The following SSBP2 variants were observed in gnomAD, a reference collection of about 807,000 sequenced individuals.
SSBP2 encodes single-stranded DNA-binding protein 2.
SSBP2 carries 17 observed loss-of-function variants against 61.8 expected under a neutral mutation model. The ratio of observed to expected loss-of-function variants is 0.28; its 90% CI spans 0.19 to 0.41. SSBP2 has a LOEUF of 0.41. SSBP2 is among the 10% of genes least tolerant of loss of function. The pLI is 1.00. For missense variants in SSBP2, 310 were observed against 458.7 expected (o/e 0.68, Z 2.96); for synonymous variants, 139 against 141.3 (o/e 0.98, Z 0.12).
At chr5:81,629,830 T>TA (rs1353611145) in intron 3 of SSBP2, among the ~76,000 whole-genome samples, 3 of 152,228 alleles carry the variant, frequency 2.0e-5, no homozygotes, top group African/African-American at 7.2e-5. Flanking sequence ...CCTCACATAG[T>TA]ACCTTTTGTG....
chr5:81,704,829 C>A (rs1335841729), intron 1 of SSBP2, among the ~76,000 whole-genome samples: 1 of 148,818 alleles, frequency 6.7e-6, no homozygotes, highest in African/African-American at 2.5e-5. Context: ...AAAATGCATT[C>A]CCTATTCACA....
At chr5:81,715,181 C>A (rs764505516) in intron 1 of SSBP2, among the ~76,000 whole-genome samples, 4 of 152,048 alleles carry the variant, frequency 2.6e-5, no homozygotes, top group African/African-American at 9.7e-5. Flanking sequence ...GGGGGAGAGA[C>A]AAAATCAAAA....
In SSBP2 at chr5:81,448,797, T is replaced by G. The variant is rs1200528371; in HGVS notation, c.716A>C (p.Asn239Thr). ...AAACCCAAATGTACTTACTACATAA[T>G]TCCCAGGAGATGCTGAGGAGTATGG... The change falls in exon 11 of 17, where the codon AAT becomes ACT. Residue 239 changes from asparagine to threonine, a missense_variant. This residue lies in a region of SSBP2 where 209 missense variants were observed against 286.4 expected (regional missense o/e 0.73). Coordinates refer to ENST00000320672, the MANE Select transcript of SSBP2 (RefSeq NM_012446.5). 3.1e-6 allele frequency: 5 copies of G among 1,612,866 alleles called. No homozygotes were observed. In the East Asian group the frequency reaches 8.9e-5, roughly 29 times the overall value.
chr5:81,639,671 C>T (rs1286634080), intron 2 of SSBP2, among the ~76,000 whole-genome samples: 1 of 151,472 alleles, frequency 6.6e-6, no homozygotes, highest in Non-Finnish European at 1.5e-5. Context: ...GTTTTTTTAG[C>T]TTAAATCATA....
intron 6 of SSBP2, among the ~76,000 whole-genome samples, chr5:81,484,346 A>G (rs1766228294): frequency 6.6e-6 from 1 of 152,170 alleles, no homozygotes; most frequent in Non-Finnish European, 1.5e-5. Context: ...TCATAAAACT[A>G]TAACTTAAAT....
At chr5:81,467,103 G>A (rs763756474) in intron 8 of SSBP2, 38 bp from the exon 9 acceptor site, 1 of 1,367,268 alleles carries the variant, frequency 7.3e-7, no homozygotes. Context: ...AAGAGGAGGG[G>A]GGAAAGAAAG....
At chr5:81,611,734 T>C (rs1745466046) in intron 4 of SSBP2, among the ~76,000 whole-genome samples, 1 of 152,114 alleles carries the variant, frequency 6.6e-6, no homozygotes, top group South Asian at 2.1e-4. Context: ...CTTATGATGT[T>C]TAAAATACAT....
intron 4 of SSBP2, among the ~76,000 whole-genome samples, chr5:81,545,148 C>T (rs1771630466): frequency 6.6e-6 from 1 of 152,156 alleles, no homozygotes; most frequent in Admixed American, 6.5e-5. Context: ...AGATAAAACA[C>T]ATATTTTTTT....
chr5:81,654,578 C>A (rs1049763764), intron 1 of SSBP2, among the ~76,000 whole-genome samples: 1 of 152,170 alleles, frequency 6.6e-6, no homozygotes, highest in Non-Finnish European at 1.5e-5. Flanking sequence ...GGAGGAACCA[C>A]CAGGAGTCAC....
intron 4 of SSBP2, 83 bp downstream of exon 4, chr5:81,615,390 T>C (rs564111705): frequency 1.4e-5 from 14 of 989,914 alleles, no homozygotes; most frequent in East Asian, 4.9e-5. Flanking sequence ...AACAAAAGAA[T>C]AGATGAGCCA....
At chr5:81,429,503 T>C (rs1020158822) in intron 15 of SSBP2, among the ~76,000 whole-genome samples, 2 of 152,170 alleles carry the variant, frequency 1.3e-5, no homozygotes, top group Non-Finnish European at 2.9e-5. Flanking sequence ...TAGAATGACA[T>C]TGGACTATAA....
At chr5:81,615,285 T>A in intron 4 of SSBP2, 188 bp downstream of exon 4, 1 of 596,272 alleles carries the variant, frequency 1.7e-6, no homozygotes, top group South Asian at 2.0e-5. Flanking sequence ...TATCCTAAGC[T>A]TTAACAAGAC....
At chr5:81,684,843 G>C (rs76807843) in intron 1 of SSBP2, among the ~76,000 whole-genome samples, 1 of 152,032 alleles carries the variant, frequency 6.6e-6, no homozygotes, top group African/African-American at 2.4e-5. Context: ...CTATTGAGGG[G>C]GATTATTGAG....
At chr5:81,689,941 A>C (rs942895895) in intron 1 of SSBP2, among the ~76,000 whole-genome samples, 1 of 152,094 alleles carries the variant, frequency 6.6e-6, no homozygotes, top group African/African-American at 2.4e-5. Flanking sequence ...GAAACAAAAA[A>C]TGTTTAAAAG....
At chr5:81,736,800 G>A (rs1298262298) in intron 1 of SSBP2, among the ~76,000 whole-genome samples, 3 of 152,082 alleles carry the variant, frequency 2.0e-5, no homozygotes, top group Non-Finnish European at 2.9e-5. Context: ...AGGAAATTTA[G>A]AAATACAATT....
rs547669904 is a variant in SSBP2, at chr5:81,644,267, C to T, written c.135+6000G>A. Among the ~76,000 whole-genome samples the T allele has an allele frequency of 3.9e-5, 6 of 152,282 alleles. No individual in the cohort carries two copies. The South Asian group carries it at 1.2e-3, about 32-fold the overall frequency. ...GGGAAAACTCCTTAATGGATCCTTTCTATTTTTGTTTTTATTTTTTTGACA... is the reference window on the plus strand; with the variant it reads ...GGGAAAACTCCTTAATGGATCCTTTTTATTTTTGTTTTTATTTTTTTGACA... On this transcript the variant is annotated intron_variant, in intron 2 of 16. Transcript: ENST00000320672.
chr5:81,466,871 G>T, intron 9 of SSBP2, 103 bp downstream of exon 9: 1 of 649,444 alleles, frequency 1.5e-6, no homozygotes, highest in Non-Finnish European at 2.4e-6. Context: ...CATTTTAGAG[G>T]CCAGAAAATA....
chr5:81,523,102 T>C (rs1486179130), intron 4 of SSBP2, among the ~76,000 whole-genome samples: 1 of 152,044 alleles, frequency 6.6e-6, no homozygotes, highest in Non-Finnish European at 1.5e-5. Context: ...TGGCTGGTGA[T>C]TTCTACAAAA....
At position 81,448,841 on chromosome 5, in the gene SSBP2, G is replaced by A. The variant is rs1324949739; in HGVS notation, c.688-16C>T. 2 of 1,607,694 alleles carry A rather than the reference G, an allele frequency of 1.2e-6. No individual in the cohort carries two copies. The highest frequency in any genetic ancestry group is 8.5e-7 in the Non-Finnish European group (1 of 1,177,794). ...AGTATGGTATCTGGAACACGAATAGGACAAAAAAATTTTTGATTCATGTAG... is the reference window on the plus strand; with the variant it reads ...AGTATGGTATCTGGAACACGAATAGAACAAAAAAATTTTTGATTCATGTAG... On this transcript the variant is annotated splice_polypyrimidine_tract_variant and intron_variant, in intron 10 of 16. Transcript: ENST00000320672.
Sources: gnomAD v4.1 joint callset for allele counts (sites outside exome capture counted in the v4.1 genomes callset) on GRCh38, gnomAD v4.1.1 for gene constraint, gnomAD v4.1.1 regional missense constraint, MANE v1.5 for transcripts, NCBI Gene and HGNC (gene_info 2026-07-23, HGNC 2026-07-21) for gene names.